TBL1X: variants seen among roughly 807,000 people sequenced by gnomAD.
The protein encoded by TBL1X is F-box-like/WD repeat-containing protein TBL1X.
TBL1X carries 10 observed loss-of-function variants against 50.7 expected under a neutral mutation model. The ratio of observed to expected loss-of-function variants is 0.20; its 90% CI spans 0.12 to 0.33. The LOEUF is 0.33. TBL1X is among the 10% of genes least tolerant of loss of function. The probability of loss-of-function intolerance (pLI) is 1.00; values close to 1 mark genes in which losing one functional copy is unlikely to be tolerated. For missense variants in TBL1X, 340 were observed against 504.4 expected, an observed-to-expected ratio of 0.67 and a Z score of 3.12; for synonymous variants, 190 against 214.7, an observed-to-expected ratio of 0.88 and a Z score of 1.01.
At chrX:9,486,716 G>A (rs963058566) in intron 1 of TBL1X, among the ~76,000 whole-genome samples, 11 of 108,958 alleles carry the variant, frequency 1.0e-4, no homozygotes, top group Admixed American at 3.0e-4. Flanking sequence ...TGCCCCAACC[G>A]CCTTGGGTAC....
At chrX:9,602,967 A>G (rs1191497161) in intron 2 of TBL1X, among the ~76,000 whole-genome samples, 2 of 112,694 alleles carry the variant, frequency 1.8e-5, no homozygotes, top group South Asian at 3.6e-4. Flanking sequence ...GCCCCAGTGC[A>G]TAAATCATTG....
intron 13 of TBL1X, among the ~76,000 whole-genome samples, chrX:9,708,550 T>C (rs1668126730): frequency 9.0e-6 from 1 of 110,882 alleles, no homozygotes; most frequent in Non-Finnish European, 1.9e-5. Flanking sequence ...AGAAATACCT[T>C]CTAATGGGTG....
At chrX:9,521,141 G>C (rs2082104961) in intron 2 of TBL1X, among the ~76,000 whole-genome samples, 1 of 110,505 alleles carries the variant, frequency 9.0e-6, no homozygotes, top group African/African-American at 3.3e-5. Context: ...GATAAAGAAT[G>C]GGGGGAGGGG....
chrX:9,503,198 A>G (rs1228988771), intron 2 of TBL1X, among the ~76,000 whole-genome samples: 1 of 111,411 alleles, frequency 9.0e-6, no homozygotes, highest in Non-Finnish European at 1.9e-5. Context: ...GGCCCACCTG[A>G]GAGTCACATG....
chrX:9,672,684 G>A (rs1021708559), intron 5 of TBL1X, among the ~76,000 whole-genome samples: 2 of 111,011 alleles, frequency 1.8e-5, no homozygotes, highest in Admixed American at 1.9e-4. Flanking sequence ...TCCAAGTCAC[G>A]GTGTGTATCC....
chrX:9,659,677 A>G (rs746314340), intron 5 of TBL1X, among the ~76,000 whole-genome samples: 1 of 112,193 alleles, frequency 8.9e-6, no homozygotes, highest in Admixed American at 9.4e-5. Flanking sequence ...TCACTTTACC[A>G]GAAACCAGTG....
At chrX:9,524,451 G>T (rs1267136967) in intron 2 of TBL1X, among the ~76,000 whole-genome samples, 1 of 111,881 alleles carries the variant, frequency 8.9e-6, no homozygotes. Context: ...TCACAGCTCT[G>T]GGACCTCAGA....
At chrX:9,571,846 T>G (rs2082388076) in intron 2 of TBL1X, among the ~76,000 whole-genome samples, 1 of 112,553 alleles carries the variant, frequency 8.9e-6, no homozygotes, top group African/African-American at 3.2e-5. Flanking sequence ...TTTGTCCCTT[T>G]TGTAACTGGC....
chrX:9,645,170 C>T (rs1279796823), intron 3 of TBL1X: 3 of 112,005 alleles, frequency 2.7e-5, no homozygotes, highest in Admixed American at 9.5e-5. Flanking sequence ...TGTCGGCTCA[C>T]TGCAGCCTCC....
intron 2 of TBL1X, among the ~76,000 whole-genome samples, chrX:9,523,960 C>CTTTTT (rs63038662): frequency 2.5e-5 from 1 of 40,790 alleles, no homozygotes; most frequent in Non-Finnish European, 4.4e-5. Context: ...TCATTTTAAC[C>CTTTTT]TTTTTTTTTT....
rs755672722 is a variant in TBL1X, at chrX:9,594,899, A to G, written c.-130-45374A>G. ...TGTATACCCGTGTCTTTCTTGGTTT[A>G]TCCTTCATCCCCATTCCTCCGGATA... On this transcript the variant is annotated intron_variant, in intron 2 of 17. Transcript: ENST00000645353. Among the ~76,000 whole-genome samples the G allele has an allele frequency of 3.5e-3, 395 of 111,598 alleles. 1 individual carries two copies. Among genetic ancestry groups the G allele is most frequent in the African/African-American group, 0.012 (375 of 30,634 alleles).
intron 2 of TBL1X, among the ~76,000 whole-genome samples, chrX:9,577,921 C>T (rs891565927): frequency 8.9e-6 from 1 of 112,482 alleles, no homozygotes; most frequent in East Asian, 2.8e-4. Flanking sequence ...GACGGTGACA[C>T]AGAAGCAGTC....
chrX:9,507,539 G>C (rs2082032270), intron 2 of TBL1X, among the ~76,000 whole-genome samples: 1 of 112,184 alleles, frequency 8.9e-6, no homozygotes, highest in Admixed American at 9.4e-5. Flanking sequence ...TACATTCAAT[G>C]TTGTTCCTGT....
intron 5 of TBL1X, among the ~76,000 whole-genome samples, chrX:9,669,069 A>G (rs2082946337): frequency 8.9e-6 from 1 of 111,905 alleles, no homozygotes; most frequent in Non-Finnish European, 1.9e-5. Context: ...AAAAAACTAT[A>G]AACTTCTTGA....
intron 2 of TBL1X, among the ~76,000 whole-genome samples, chrX:9,512,802 G>A (rs1330322517): frequency 1.8e-5 from 2 of 111,575 alleles, no homozygotes; most frequent in African/African-American, 6.5e-5. Flanking sequence ...CCCGGCCAGT[G>A]TAAGTCTTTT....
intron 2 of TBL1X, among the ~76,000 whole-genome samples, chrX:9,553,972 C>G (rs2082282977): frequency 9.0e-6 from 1 of 111,606 alleles, no homozygotes; most frequent in Non-Finnish European, 1.9e-5. Flanking sequence ...CTCAACCTCC[C>G]CAAGCTCAGG....
chrX:9,665,748 C>A (rs965598508), intron 5 of TBL1X, among the ~76,000 whole-genome samples: 10 of 104,637 alleles, frequency 9.6e-5, no homozygotes, highest in African/African-American at 3.5e-4. Context: ...GAAAAACCTA[C>A]GTTTTCCTCA....
At chrX:9,686,338 T>A (rs1569098281) in intron 6 of TBL1X, among the ~76,000 whole-genome samples, 1 of 112,069 alleles carries the variant, frequency 8.9e-6, no homozygotes, top group East Asian at 2.8e-4. Context: ...CCCTCGGCAC[T>A]CCAGATTCCA....
intron 12 of TBL1X, among the ~76,000 whole-genome samples, chrX:9,701,254 C>CT (rs1465717005): frequency 3.6e-5 from 4 of 110,996 alleles, no homozygotes; most frequent in Admixed American, 2.9e-4. Context: ...CTGTAAATCT[C>CT]TAAGTATTTC....
Sources: allele counts gnomAD v4.1 joint callset (sites outside exome capture counted in the v4.1 genomes callset), GRCh38; gene constraint gnomAD v4.1.1; transcripts MANE v1.5; gene names NCBI Gene and HGNC (gene_info 2026-07-23, HGNC 2026-07-21).